PAX8: variants seen among roughly 807,000 people sequenced by gnomAD.
PAX8 encodes the protein paired box 8, also known as paired box protein Pax-8.
A neutral mutation model predicts 52.4 loss-of-function variants in PAX8; 15 were observed. The ratio of observed to expected loss-of-function variants is 0.29; its 90% confidence interval spans 0.19 to 0.44. PAX8 has a LOEUF of 0.44. Ranked by LOEUF, PAX8 falls within the 20% of genes least tolerant of loss-of-function variation. PAX8 has a pLI of 1.00. For synonymous variants in PAX8, 284 were observed against 249.7 expected (o/e 1.14, Z -1.29); for missense variants, 554 against 602.5 (o/e 0.92, Z 0.84).
intron 9 of PAX8, among the ~76,000 whole-genome samples, chr2:113,227,903 G>C (rs1689681040): frequency 6.6e-6 from 1 of 152,226 alleles, no homozygotes; most frequent in Admixed American, 6.5e-5. Flanking sequence ...CCTAGAAGGA[G>C]ATGTGGCGGA....
Position 113,217,595 on chromosome 2 carries a change from G to C in PAX8, c.*938C>G, listed in dbSNP as rs886054788. ...AGCAGAGAGGGACCCTCTATCGCTG[G>C]CTTCAGGGGGTGCCTTGGGTCCCTT... On this transcript the variant is annotated 3_prime_UTR_variant, in exon 12 of 12. Transcript: ENST00000429538. The C allele has an allele frequency of 3.6e-4, 82 of 230,694 alleles. No individual in the cohort carries two copies. Among genetic ancestry groups the C allele is most frequent in the Non-Finnish European group, 5.4e-4 (63 of 116,500 alleles). 14.3% of individuals were successfully genotyped at this position (230,694 alleles called of 1,614,324 possible). A position where few individuals can be genotyped will look rare whatever the true frequency, so the allele number is the denominator to read the frequency against.
At chr2:113,239,824 G>C (rs1347344355) in intron 7 of PAX8, 1 of 152,172 alleles carries the variant, frequency 6.6e-6, no homozygotes, top group African/African-American at 2.4e-5. Context: ...AGGGTTGGCA[G>C]GCCTGAGCTC....
intron 10 of PAX8, chr2:113,220,525 G>C (rs1254153576): frequency 4.6e-6 from 1 of 218,622 alleles, no homozygotes; most frequent in Non-Finnish European, 9.3e-6. Flanking sequence ...CAGAGCTGGA[G>C]GGTTTGGTGG....
At chr2:113,262,255 A>G (rs909986762) in intron 2 of PAX8, among the ~76,000 whole-genome samples, 3 of 152,084 alleles carry the variant, frequency 2.0e-5, no homozygotes, top group Middle Eastern at 3.2e-3. Context: ...GGCTCAAGCA[A>G]TCTTCTGGCC....
chr2:113,226,009 C>G, intron 10 of PAX8: 1 of 985,608 alleles, frequency 1.0e-6, no homozygotes, highest in Non-Finnish European at 1.2e-6. Flanking sequence ...GTATTTTCAA[C>G]GCTGCATTAA....
In PAX8 at chr2:113,278,721, C is replaced by T. The variant is rs1490534806; in HGVS notation, c.-76+110G>A. The T allele has an allele frequency of 1.3e-5, 8 of 606,130 alleles. No homozygotes were observed. The Admixed American group carries it at 1.9e-4, about 15-fold the overall frequency. The allele number at this position is 606,130 out of a possible 1,614,324, so 37.5% of individuals were successfully genotyped here. The stretch of plus-strand genomic sequence containing the variant: ...CTCCCTCCGCTGTCCCAGTCTTATC[C>T]CGTTTAACTTGGGAGGGAAAAGGCT... On this transcript the variant is annotated intron_variant, in intron 1 of 11. Coordinates refer to ENST00000429538, the MANE Select transcript of PAX8 (RefSeq NM_003466.4).
intron 2 of PAX8, among the ~76,000 whole-genome samples, chr2:113,262,731 A>C (rs1038337069): frequency 6.6e-6 from 1 of 152,216 alleles, no homozygotes; most frequent in Admixed American, 6.5e-5. Flanking sequence ...TGAGAAAGCC[A>C]TATGAATATC....
chr2:113,238,533 C>G (rs991089217), intron 7 of PAX8: 2 of 152,384 alleles, frequency 1.3e-5, no homozygotes, highest in African/African-American at 4.8e-5. Flanking sequence ...AAAAGAAAAC[C>G]TATATAGTCA....
In PAX8 at chr2:113,236,884, G is replaced by A. The variant is rs3738913; in HGVS notation, c.778-163C>T. ...TTCTCAACTCCACTCGGCACGTTTC[G>A]TTCATGCTCATTGTCCTCCCGCATC... is the stretch of plus-strand genomic sequence containing the variant. On this transcript the variant is annotated intron_variant, in intron 7 of 11. Coordinates refer to ENST00000429538, the MANE Select transcript of PAX8 (RefSeq NM_003466.4). 0.17 allele frequency: 140,607 copies of A among 806,170 alleles called. 12,907 individuals carry two copies. The highest frequency in any genetic ancestry group is 0.19 in the Non-Finnish European group (102,361 of 533,014). 49.9% of individuals were successfully genotyped at this position (806,170 alleles called of 1,614,324 possible). A position where few individuals can be genotyped will look rare whatever the true frequency, so the allele number is the denominator to read the frequency against.
chr2:113,245,205 C>A (rs1329924667), intron 3 of PAX8, among the ~76,000 whole-genome samples: 1 of 152,082 alleles, frequency 6.6e-6, no homozygotes, highest in Non-Finnish European at 1.5e-5. Context: ...TGCCACCACA[C>A]CCGGCTAATT....
intron 2 of PAX8, among the ~76,000 whole-genome samples, chr2:113,278,051 T>G (rs931094267): frequency 6.6e-6 from 1 of 152,078 alleles, no homozygotes; most frequent in African/African-American, 2.4e-5. Flanking sequence ...ACGAAGAATG[T>G]CCACACTAAT....
intron 2 of PAX8, chr2:113,268,156 T>C (rs1693218816): frequency 6.6e-6 from 1 of 152,386 alleles, no homozygotes; most frequent in Admixed American, 6.5e-5. Flanking sequence ...TGAGTGTGCA[T>C]GGGTGTGTGT....
At chr2:113,258,020 CTT>C (rs1172884595) in intron 2 of PAX8, among the ~76,000 whole-genome samples, 2 of 152,284 alleles carry the variant, frequency 1.3e-5, no homozygotes, top group East Asian at 3.9e-4. Context: ...CTCTGCACTG[CTT>C]ACTTTTGCCC....
At chr2:113,266,958 C>T (rs2104585588) in intron 2 of PAX8, 1 of 152,282 alleles carries the variant, frequency 6.6e-6, no homozygotes, top group South Asian at 2.1e-4. Flanking sequence ...TGCATGATGG[C>T]ACCATATTGT....
intron 2 of PAX8, among the ~76,000 whole-genome samples, chr2:113,255,130 A>G (rs1434853919): frequency 2.1e-5 from 3 of 143,934 alleles, no homozygotes; most frequent in Admixed American, 6.9e-5. Flanking sequence ...GGGAAGGAGG[A>G]AGGAAGGAAG....
chr2:113,233,510 T>C (rs1690031724), intron 9 of PAX8, among the ~76,000 whole-genome samples: 1 of 151,920 alleles, frequency 6.6e-6, no homozygotes, highest in Non-Finnish European at 1.5e-5. Flanking sequence ...AAACCCCATC[T>C]CTACTGAAAA....
chr2:113,257,898 A>G (rs1348096574), intron 2 of PAX8, among the ~76,000 whole-genome samples: 1 of 152,196 alleles, frequency 6.6e-6, no homozygotes, highest in Non-Finnish European at 1.5e-5. Context: ...TTATCATTTT[A>G]TTGATGAGAA....
intron 5 of PAX8, among the ~76,000 whole-genome samples, 160 bp from the exon 6 acceptor site, chr2:113,242,290 G>T (rs985167812): frequency 6.6e-6 from 1 of 151,654 alleles, no homozygotes; most frequent in African/African-American, 2.4e-5. Context: ...GGGTGACTCT[G>T]GGGGGACTGC....
rs369719274 is a variant in PAX8, at chr2:113,244,409, GGCT to G, written c.389+15_389+17del. 43 of 1,603,010 alleles carry G rather than the reference GGCT, an allele frequency of 2.7e-5. No homozygotes were observed. The African/African-American group carries it at 5.2e-4, about 19-fold the overall frequency. On this transcript the variant is annotated intron_variant, in intron 4 of 11. Coordinates refer to ENST00000429538, the MANE Select transcript of PAX8 (RefSeq NM_003466.4). Reference sequence around the variant, plus strand: ...CCAGGGGCCCCAGCCTGACACCAGAGGCTGCTTTCTCTCTTACCTATTAATGGA... The same window carrying G: ...CCAGGGGCCCCAGCCTGACACCAGAGGCTTTCTCTCTTACCTATTAATGGA...
Sources: gnomAD v4.1 joint callset for allele counts (sites outside exome capture counted in the v4.1 genomes callset) on GRCh38, gnomAD v4.1.1 for gene constraint, MANE v1.5 for transcripts, NCBI Gene and HGNC (gene_info 2026-07-23, HGNC 2026-07-21) for gene names.